STARD10: variants seen among roughly 807,000 people sequenced by gnomAD.
STARD10 encodes START domain-containing protein 10.
STARD10 carries 24 observed loss-of-function variants against 36.0 expected under a neutral mutation model. That is an observed-to-expected ratio of 0.67 (90% CI 0.48 to 0.94). The LOEUF (loss-of-function observed/expected upper bound fraction) is 0.94. STARD10 is among the 40% of genes least tolerant of loss of function. The pLI, the probability that STARD10 is intolerant of heterozygous loss-of-function variation, is 0.00. For synonymous variants in STARD10, 156 were observed against 161.9 expected (o/e 0.96, Z 0.28); for missense variants, 335 against 396.6 (o/e 0.84, Z 1.32).
chr11:72,778,123 C>T (rs565800506), intron 2 of STARD10, among the ~76,000 whole-genome samples: 14 of 152,214 alleles, frequency 9.2e-5, no homozygotes, highest in Admixed American at 1.3e-4. Context: ...ATGATGAGAA[C>T]AACGCGTCCT....
chr11:72,787,069 G>A, intron 1 of STARD10, among the ~76,000 whole-genome samples: 1 of 131,074 alleles, frequency 7.6e-6, no homozygotes, highest in Non-Finnish European at 1.5e-5. Flanking sequence ...GGGTGACAGA[G>A]AGAGACCCTG....
In STARD10 at chr11:72,758,562, A is replaced by C. The variant is rs1209529902; in HGVS notation, c.427T>G (p.Tyr143Asp). ...LRSWLPMGAD[Y>D]IIMNYSVKHP... ...TTGACTGAGTAGTTCATAATGATGT[A>C]ATCAGCGCCCATGGGGAGCCAGGAG... is the stretch of plus-strand genomic sequence containing the variant. Residue 143 changes from tyrosine to aspartate, a missense_variant, in exon 4 of 7, where the codon TAC becomes GAC. Physicochemically the swap from Tyr to Asp is radical, Grantham distance 160. Coordinates refer to ENST00000334805, the MANE Select transcript of STARD10 (RefSeq NM_006645.3). The C allele has an allele frequency of 6.2e-7, 1 of 1,614,026 alleles. No individual in the cohort carries two copies. The highest frequency in any genetic ancestry group is 1.1e-5 in the South Asian group (1 of 91,080).
intron 2 of STARD10, among the ~76,000 whole-genome samples, chr11:72,777,915 C>A (rs1858947048): frequency 6.6e-6 from 1 of 152,102 alleles, no homozygotes; most frequent in Admixed American, 6.5e-5. Flanking sequence ...GCTCTGGGGA[C>A]AGGCCCAGAG....
chr11:72,782,913 C>G (rs1287362392), intron 1 of STARD10, among the ~76,000 whole-genome samples: 1 of 152,208 alleles, frequency 6.6e-6, no homozygotes, highest in Non-Finnish European at 1.5e-5. Flanking sequence ...CCACGGTCAT[C>G]CTGACCAGCA....
Position 72,781,699 on chromosome 11 carries a change from G to A in STARD10, c.-113-405C>T, listed in dbSNP as rs1859000646. The A allele has an allele frequency of 1.4e-5, 2 of 147,966 alleles. No homozygotes were observed. The highest frequency in any genetic ancestry group is 6.7e-5 in the Admixed American group (1 of 14,868). The allele number at this position is 147,966 out of a possible 1,614,324, so 9.2% of individuals were successfully genotyped here. A position where few individuals can be genotyped will look rare whatever the true frequency, so the allele number is the denominator to read the frequency against. On this transcript the variant is annotated intron_variant, in intron 1 of 6. Transcript: ENST00000334805. The surrounding 1 kb of genome is among the most constrained non-coding windows in gnomAD (Gnocchi z 4.7). Reference sequence around the variant, plus strand: ...CGCTCCGCCGGGGCCCGCCGGGGCCGGGGTGCCAGCGCCGCCGCCGCAGCT... The same window carrying A: ...CGCTCCGCCGGGGCCCGCCGGGGCCAGGGTGCCAGCGCCGCCGCCGCAGCT...
intron 2 of STARD10, among the ~76,000 whole-genome samples, chr11:72,761,416 C>T (rs1417021758): frequency 1.3e-5 from 2 of 152,060 alleles, no homozygotes; most frequent in Admixed American, 1.3e-4. Flanking sequence ...ATCAAATGCA[C>T]TGAAAATTTA....
At chr11:72,780,284 T>C (rs762494645) in intron 2 of STARD10, 1 of 391,206 alleles carries the variant, frequency 2.6e-6, no homozygotes, top group Non-Finnish European at 5.3e-6. Context: ...GCAGGGGAGA[T>C]GGCTGTGAGC....
chr11:72,783,969 C>CCTGGCAGG (rs1213411946), intron 1 of STARD10, among the ~76,000 whole-genome samples: 1 of 152,136 alleles, frequency 6.6e-6, no homozygotes, highest in Non-Finnish European at 1.5e-5. Flanking sequence ...AGGTGGGCGA[C>CCTGGCAGG]CTGGCAGGCA....
chr11:72,766,313 G>A (rs1858788295), intron 2 of STARD10, among the ~76,000 whole-genome samples: 1 of 152,154 alleles, frequency 6.6e-6, no homozygotes, highest in Non-Finnish European at 1.5e-5. Context: ...GTGTGCAACT[G>A]TGTGGTGGGA....
intron 5 of STARD10, among the ~76,000 whole-genome samples, chr11:72,756,439 C>T (rs1429551454): frequency 1.3e-5 from 2 of 152,140 alleles, no homozygotes; most frequent in Non-Finnish European, 2.9e-5. Flanking sequence ...CTGGGCCAGC[C>T]CTGGGGACCC....
rs543099755 is a variant in STARD10, at chr11:72,787,272, C to T, written c.-114+5603G>A. Among the ~76,000 whole-genome samples the T allele has an allele frequency of 1.2e-3, 186 of 152,248 alleles. 1 individual carries two copies. Among genetic ancestry groups the T allele is most frequent in the Non-Finnish European group, 2.0e-3 (133 of 68,016 alleles). ...GCTTCCTCTTCCAGCCTTCTCCCCA[C>T]CCCATCCTCTGATCCCTGCACCTCT... On this transcript the variant is annotated intron_variant, in intron 1 of 6. Coordinates refer to ENST00000334805, the MANE Select transcript of STARD10 (RefSeq NM_006645.3).
chr11:72,755,306 C>CTTTTT (rs542293512), intron 6 of STARD10, 164 bp from the exon 7 acceptor site: 300 of 356,566 alleles, frequency 8.4e-4, no homozygotes, highest in South Asian at 1.5e-3. Flanking sequence ...ATTCTCCATT[C>CTTTTT]TTTTTTTTTT....
intron 2 of STARD10, among the ~76,000 whole-genome samples, chr11:72,779,217 C>G (rs1858961363): frequency 6.6e-6 from 1 of 152,224 alleles, no homozygotes. Flanking sequence ...TCCCAGGTCA[C>G]AGTCAGGCTC....
intron 2 of STARD10, among the ~76,000 whole-genome samples, chr11:72,771,458 C>T (rs1481554230): frequency 6.6e-6 from 1 of 152,122 alleles, no homozygotes; most frequent in African/African-American, 2.4e-5. Flanking sequence ...TGGCCCTCTC[C>T]TGTGAAGTGA....
chr11:72,769,470 A>G (rs1052177739), intron 2 of STARD10, among the ~76,000 whole-genome samples: 2 of 152,192 alleles, frequency 1.3e-5, no homozygotes, highest in African/African-American at 2.4e-5. Context: ...TCACTGTCCC[A>G]GTAGCTGGGA....
chr11:72,781,173 C>G lies in STARD10; in HGVS notation c.9G>C (p.Lys3Asn), dbSNP rs1266885792. 1 of 1,610,102 alleles carries G rather than the reference C, an allele frequency of 6.2e-7. No individual in the cohort carries two copies. Among genetic ancestry groups the G allele is most frequent in the African/African-American group, 1.3e-5 (1 of 74,942 alleles). The change falls in exon 2 of 7, where the codon AAG becomes AAC. Residue 3 changes from lysine (K) to asparagine (N), a missense_variant. Transcript: ENST00000334805. The surrounding 1 kb of genome is among the most constrained non-coding windows in gnomAD (Gnocchi z 4.7). ME[K>N]LAASTEPQGP... ...CTTGGGGCTCTGTAGAGGCCGCCAGCTTCTCCATGGGGAGTGTGGGGAGGC... is the reference window on the plus strand; with the variant it reads ...CTTGGGGCTCTGTAGAGGCCGCCAGGTTCTCCATGGGGAGTGTGGGGAGGC...
chr11:72,765,093 C>T (rs938834289), intron 2 of STARD10, among the ~76,000 whole-genome samples: 17 of 152,118 alleles, frequency 1.1e-4, no homozygotes, highest in Non-Finnish European at 7.4e-5. Flanking sequence ...CATGAAGAAA[C>T]CCCATCTCTA....
intron 2 of STARD10, among the ~76,000 whole-genome samples, chr11:72,759,944 CTT>C (rs1420372929): frequency 2.0e-5 from 3 of 151,916 alleles, no homozygotes; most frequent in Non-Finnish European, 4.4e-5. Context: ...GAGTTTCGCT[CTT>C]GTCACCCAGG....
At chr11:72,766,406 A>C (rs1858791134) in intron 2 of STARD10, among the ~76,000 whole-genome samples, 1 of 151,402 alleles carries the variant, frequency 6.6e-6, no homozygotes, top group Non-Finnish European at 1.5e-5. Flanking sequence ...ACAAAACCTC[A>C]AGATAGCACG....
Sources: gnomAD v4.1 joint callset for allele counts (sites outside exome capture counted in the v4.1 genomes callset) on GRCh38, gnomAD v4.1.1 for gene constraint, Gnocchi (gnomAD v3.1) non-coding constraint, MANE v1.5 for transcripts, NCBI Gene and HGNC (gene_info 2026-07-23, HGNC 2026-07-21) for gene names.